Variants in TTC39B observed in about 807,000 individuals in gnomAD.
The protein encoded by TTC39B is tetratricopeptide repeat protein 39B.
In TTC39B, 92 loss-of-function variants were observed where a neutral mutation model predicts 96.6. The ratio of observed to expected loss-of-function variants is 0.95; its 90% CI spans 0.80 to 1.13. The LOEUF is 1.13. Among genes scored for constraint, TTC39B ranks in the 50% most tolerant of loss-of-function variants. TTC39B has a pLI of 0.00. For missense variants in TTC39B, 955 were observed against 809.3 expected, an observed-to-expected ratio of 1.18 and a Z score of -2.18; for synonymous variants, 367 against 299.4, an observed-to-expected ratio of 1.23 and a Z score of -2.33.
At chr9:15,225,409 C>G (rs1043854416) in intron 3 of TTC39B, among the ~76,000 whole-genome samples, 1 of 151,682 alleles carries the variant, frequency 6.6e-6, no homozygotes, top group African/African-American at 2.4e-5. Context: ...ATTTTTAAAC[C>G]AAGATTATGC....
At chr9:15,273,531 T>C (rs1281067974) in intron 1 of TTC39B, among the ~76,000 whole-genome samples, 1 of 152,168 alleles carries the variant, frequency 6.6e-6, no homozygotes, top group African/African-American at 2.4e-5. Context: ...CATTTTACCA[T>C]CTTTCTCATA....
intron 1 of TTC39B, among the ~76,000 whole-genome samples, chr9:15,271,225 A>C (rs1823339763): frequency 6.6e-6 from 1 of 152,204 alleles, no homozygotes; most frequent in Admixed American, 6.5e-5. Context: ...AGGATTATTT[A>C]ACTCTCTAGA....
intron 2 of TTC39B, among the ~76,000 whole-genome samples, chr9:15,244,955 G>C (rs777372056): frequency 1.2e-4 from 19 of 152,126 alleles, no homozygotes; most frequent in African/African-American, 4.3e-4. Flanking sequence ...AAAAAATAAA[G>C]GCTTCCAAAA....
At chr9:15,206,479 A>G (rs886606159) in intron 6 of TTC39B, among the ~76,000 whole-genome samples, 4 of 152,238 alleles carry the variant, frequency 2.6e-5, no homozygotes, top group African/African-American at 9.6e-5. Flanking sequence ...CTTAATTTAT[A>G]AAAGTCTTAT....
At chr9:15,185,569 C>T in intron 15 of TTC39B, 163 bp from the exon 16 acceptor site, 1 of 1,071,028 alleles carries the variant, frequency 9.3e-7, no homozygotes, top group Non-Finnish European at 1.3e-6. Flanking sequence ...TCTAGACCTA[C>T]TGAATCAGCA....
intron 16 of TTC39B, chr9:15,183,578 A>G: frequency 1.4e-5 from 4 of 283,610 alleles, no homozygotes; most frequent in South Asian, 1.2e-4. Flanking sequence ...ATGGTTCTTA[A>G]CAGTCAAAGC....
At chr9:15,217,891 G>C (rs529529516) in intron 3 of TTC39B, among the ~76,000 whole-genome samples, 1 of 152,210 alleles carries the variant, frequency 6.6e-6, no homozygotes, top group South Asian at 2.1e-4. Flanking sequence ...AACCAGACCG[G>C]AATGATGAGC....
chr9:15,189,605 C>A (rs771718446), exon 13 of TTC39B: 8 of 1,614,080 alleles, frequency 5.0e-6, no homozygotes, highest in Non-Finnish European at 5.9e-6. Context: ...CAACTCTATT[C>A]GGGCATGATA....
chr9:15,194,077 A>T (rs1327201185), intron 8 of TTC39B, among the ~76,000 whole-genome samples: 1 of 152,190 alleles, frequency 6.6e-6, no homozygotes, highest in African/African-American at 2.4e-5. Context: ...TCCTCATTTT[A>T]ATAATTGTAC....
intron 2 of TTC39B, among the ~76,000 whole-genome samples, chr9:15,264,173 A>G (rs1387716015): frequency 6.6e-6 from 1 of 152,146 alleles, no homozygotes; most frequent in Admixed American, 6.5e-5. Context: ...ACACCAAGAC[A>G]ATGCTTCTCG....
chr9:15,167,016 ATATATATATATATTTTTTTT>A (rs1817539000), exon 20 of TTC39B: 1 of 6,730 alleles, frequency 1.5e-4, no homozygotes, highest in Non-Finnish European at 2.4e-4. Context: ...ATATATATAT[ATATATATATATATTTTTTTT>A]TTTTTTTTTT....
intron 1 of TTC39B, among the ~76,000 whole-genome samples, chr9:15,277,051 G>C (rs1001770204): frequency 3.8e-4 from 58 of 152,182 alleles, no homozygotes; most frequent in African/African-American, 1.4e-3. Context: ...AGTGAAAAAT[G>C]TTAACTCCCT....
chr9:15,217,407 C>T (rs1048727919), intron 3 of TTC39B, among the ~76,000 whole-genome samples: 9 of 152,210 alleles, frequency 5.9e-5, no homozygotes, highest in Middle Eastern at 3.4e-3. Context: ...CTATACACAC[C>T]CCCACTTAGA....
At chr9:15,209,836 C>G (rs532309002) in intron 6 of TTC39B, among the ~76,000 whole-genome samples, 81 of 151,700 alleles carry the variant, frequency 5.3e-4, no homozygotes, top group African/African-American at 1.8e-3. Context: ...TGATTCTATG[C>G]TTGCAAAAAA....
chr9:15,282,854 C>T (rs1823818369), intron 1 of TTC39B, among the ~76,000 whole-genome samples: 1 of 152,166 alleles, frequency 6.6e-6, no homozygotes, highest in Non-Finnish European at 1.5e-5. Flanking sequence ...CTGATCTACA[C>T]TCATTCTCAT....
chr9:15,252,423 C>T (rs929646587), intron 2 of TTC39B, among the ~76,000 whole-genome samples: 7 of 152,030 alleles, frequency 4.6e-5, no homozygotes, highest in South Asian at 2.1e-4. Flanking sequence ...CCGAGACGGG[C>T]GGATCATGAG....
At chr9:15,225,226 T>C (rs1189611719) in intron 3 of TTC39B, among the ~76,000 whole-genome samples, 1 of 152,130 alleles carries the variant, frequency 6.6e-6, no homozygotes, top group Non-Finnish European at 1.5e-5. Context: ...AAGAAGTAGA[T>C]TACTGAACAG....
chr9:15,291,435 G>A (rs905778172), intron 1 of TTC39B, among the ~76,000 whole-genome samples: 6 of 152,200 alleles, frequency 3.9e-5, no homozygotes, highest in African/African-American at 1.4e-4. Context: ...CGATGATGGT[G>A]AGGCCTCCCC....
rs751612131 is a variant in TTC39B, at chr9:15,219,867, C to A, written c.372-5618G>T. 1.1e-4 allele frequency among the ~76,000 whole-genome samples: 17 copies of A among 152,196 alleles called. 1 individual carries two copies. The highest frequency in any genetic ancestry group is 2.4e-4 in the Non-Finnish European group (16 of 68,034). Reference sequence around the variant, plus strand: ...ACTGCCCCACACCGCCCAACCATGACCCTCACAAGGGAGGCCTGCACTTTA... The same window carrying A: ...ACTGCCCCACACCGCCCAACCATGAACCTCACAAGGGAGGCCTGCACTTTA... On this transcript the variant is annotated intron_variant, in intron 3 of 19. Coordinates refer to ENST00000512701, the Ensembl canonical transcript of TTC39B.
Sources: allele counts gnomAD v4.1 joint callset (sites outside exome capture counted in the v4.1 genomes callset), GRCh38; gene constraint gnomAD v4.1.1; transcripts MANE v1.5; gene names NCBI Gene and HGNC (gene_info 2026-07-23, HGNC 2026-07-21).